The following METTL15 variants were observed in gnomAD, a reference collection of about 807,000 sequenced individuals.
METTL15 encodes methyltransferase 15, mitochondrial 12S rRNA N4-cytidine, also known as 12S rRNA N(4)-cytidine methyltransferase METTL15.
A neutral mutation model predicts 38.3 loss-of-function variants in METTL15; 34 were observed. The observed-to-expected ratio is 0.89, with a 90% CI of 0.68 to 1.18. The LOEUF is 1.18. Ranked by LOEUF, METTL15 falls within the 50% of genes most tolerant of loss-of-function variation. The probability of loss-of-function intolerance (pLI) is 0.00; values close to 1 mark genes in which losing one functional copy is unlikely to be tolerated. For missense variants in METTL15, 438 were observed against 498.4 expected, an observed-to-expected ratio of 0.88 and a Z score of 1.15; for synonymous variants, 162 against 170.9, an observed-to-expected ratio of 0.95 and a Z score of 0.41.
At chr11:28,170,120 G>C (rs1015554608) in intron 3 of METTL15, among the ~76,000 whole-genome samples, 4 of 152,086 alleles carry the variant, frequency 2.6e-5, no homozygotes, top group African/African-American at 9.7e-5. Flanking sequence ...CTGCTGATCA[G>C]ATTTTCCAGA....
intron 2 of METTL15, among the ~76,000 whole-genome samples, chr11:28,112,072 A>G (rs1851743194): frequency 1.3e-5 from 2 of 152,070 alleles, no homozygotes; most frequent in South Asian, 2.1e-4. Context: ...ATGTTACATC[A>G]TATTTGTATT....
At chr11:28,233,153 A>T (rs958995046) in intron 4 of METTL15, among the ~76,000 whole-genome samples, 1 of 152,094 alleles carries the variant, frequency 6.6e-6, no homozygotes, top group Non-Finnish European at 1.5e-5. Flanking sequence ...TTGTATTCTT[A>T]AATGCAGTGA....
chr11:28,379,982 CT>C (rs1233585767), intron 5 of METTL15, among the ~76,000 whole-genome samples: 3 of 152,042 alleles, frequency 2.0e-5, no homozygotes, highest in Non-Finnish European at 4.4e-5. Flanking sequence ...TTTTTACAGT[CT>C]TTAACTTCTA....
At chr11:28,176,214 T>C (rs1301995135) in intron 3 of METTL15, among the ~76,000 whole-genome samples, 1 of 152,058 alleles carries the variant, frequency 6.6e-6, no homozygotes, top group Non-Finnish European at 1.5e-5. Flanking sequence ...ACAAAAAAAT[T>C]TCTCCTGTAA....
intron 5 of METTL15, among the ~76,000 whole-genome samples, chr11:28,388,850 G>A (rs1850469926): frequency 6.6e-6 from 1 of 151,250 alleles, no homozygotes; most frequent in Non-Finnish European, 1.5e-5. Flanking sequence ...CCCCACAACA[G>A]GCCCCGGTGT....
intron 6 of METTL15, among the ~76,000 whole-genome samples, chr11:28,514,893 A>G (rs151078266): frequency 3.3e-5 from 5 of 152,212 alleles, no homozygotes; most frequent in African/African-American, 1.2e-4. Context: ...ATGCCCACAG[A>G]TCTCCACAGA....
intron 6 of METTL15, among the ~76,000 whole-genome samples, chr11:28,305,363 G>T (rs1352242167): frequency 6.6e-6 from 1 of 152,064 alleles, no homozygotes; most frequent in Non-Finnish European, 1.5e-5. Context: ...AAATAATAAT[G>T]CTAGCTAACA....
In METTL15 at chr11:28,453,070, T is replaced by C. The variant is rs143195937; in HGVS notation, c.*424+28706T>C. On this transcript the variant is annotated intron_variant and NMD_transcript_variant, in intron 6 of 7. Transcript: ENST00000532947. ...TGATACAGTATGGATCCCTACATCATGCCACACCTCCTCAGAGTAAACAAT... is the reference window on the plus strand; with the variant it reads ...TGATACAGTATGGATCCCTACATCACGCCACACCTCCTCAGAGTAAACAAT... 7.5e-4 allele frequency among the ~76,000 whole-genome samples: 114 copies of C among 152,358 alleles called. 3 individuals are homozygous for C. In the East Asian group the frequency reaches 0.02, roughly 27 times the overall value.
chr11:28,490,058 G>A (rs1328132126), intron 6 of METTL15, among the ~76,000 whole-genome samples: 2 of 152,206 alleles, frequency 1.3e-5, no homozygotes, highest in East Asian at 3.9e-4. Flanking sequence ...AAGAAGGGGA[G>A]GAAGCAGAAG....
chr11:28,269,838 C>T (rs1265783013), intron 4 of METTL15, among the ~76,000 whole-genome samples: 4 of 152,174 alleles, frequency 2.6e-5, no homozygotes, highest in Non-Finnish European at 5.9e-5. Flanking sequence ...CGGCCTAGTG[C>T]CAGCTTACAT....
At chr11:28,512,520 CG>C (rs1399423932) in intron 6 of METTL15, among the ~76,000 whole-genome samples, 1 of 152,186 alleles carries the variant, frequency 6.6e-6, no homozygotes, top group Non-Finnish European at 1.5e-5. Context: ...ATCTCAGCGC[CG>C]GTGAGCCGGC....
chr11:28,480,683 T>A (rs889256244), intron 6 of METTL15, among the ~76,000 whole-genome samples: 10 of 152,212 alleles, frequency 6.6e-5, no homozygotes, highest in African/African-American at 2.4e-4. Flanking sequence ...TCGTATATTA[T>A]TGTTTCACAT....
intron 6 of METTL15, among the ~76,000 whole-genome samples, chr11:28,442,896 A>G (rs1313908844): frequency 6.6e-6 from 1 of 152,244 alleles, no homozygotes; most frequent in Non-Finnish European, 1.5e-5. Context: ...AAAGTAATGA[A>G]TGTTCATTAT....
At chr11:28,291,307 A>G (rs1050356852) in intron 5 of METTL15, among the ~76,000 whole-genome samples, 2 of 152,028 alleles carry the variant, frequency 1.3e-5, no homozygotes, top group Admixed American at 6.6e-5. Context: ...CAGCCTCCCA[A>G]AATGCTGGGA....
At chr11:28,477,278 G>A (rs1343164602) in intron 6 of METTL15, among the ~76,000 whole-genome samples, 1 of 152,124 alleles carries the variant, frequency 6.6e-6, no homozygotes, top group African/African-American at 2.4e-5. Flanking sequence ...CTGTGTTCAT[G>A]CAATTCTCCT....
intron 6 of METTL15, among the ~76,000 whole-genome samples, chr11:28,513,972 T>C (rs1269930743): frequency 6.6e-6 from 1 of 152,244 alleles, no homozygotes; most frequent in Non-Finnish European, 1.5e-5. Context: ...TTGGGGCCAG[T>C]TTATGGCCAG....
chr11:28,382,395 G>C (rs372755006), intron 5 of METTL15, among the ~76,000 whole-genome samples: 1 of 152,140 alleles, frequency 6.6e-6, no homozygotes, highest in Non-Finnish European at 1.5e-5. Context: ...GTGAGGCGAG[G>C]CAGGTATCCC....
At chr11:28,291,556 G>A (rs749441952) in intron 5 of METTL15, among the ~76,000 whole-genome samples, 4 of 152,016 alleles carry the variant, frequency 2.6e-5, no homozygotes, top group Non-Finnish European at 5.9e-5. Context: ...GATACGACCT[G>A]TTAACTTGGC....
At chr11:28,480,743 C>A (rs1851388180) in intron 6 of METTL15, among the ~76,000 whole-genome samples, 1 of 152,206 alleles carries the variant, frequency 6.6e-6, no homozygotes, top group Non-Finnish European at 1.5e-5. Context: ...AATTTGTAAG[C>A]TATTCGTAAT....
Sources: allele counts gnomAD v4.1 joint callset (sites outside exome capture counted in the v4.1 genomes callset), GRCh38; gene constraint gnomAD v4.1.1; transcripts MANE v1.5; gene names NCBI Gene and HGNC (gene_info 2026-07-23, HGNC 2026-07-21).